The following CCDC33 variants were observed in gnomAD, a reference collection of about 807,000 sequenced individuals.
CCDC33 encodes coiled-coil domain containing 33, also known as coiled-coil domain-containing protein 33.
In CCDC33, 94 loss-of-function variants were observed where a neutral mutation model predicts 91.9. The observed-to-expected ratio is 1.02, with a 90% CI of 0.87 to 1.21. CCDC33 has a LOEUF of 1.21. Ranked by LOEUF, CCDC33 falls within the 50% of genes most tolerant of loss-of-function variation. The pLI is 0.00. For synonymous variants in CCDC33, 396 were observed against 374.5 expected (o/e 1.06, Z -0.66); for missense variants, 940 against 935.5 (o/e 1.00, Z -0.06).
intron 11 of CCDC33, among the ~76,000 whole-genome samples, chr15:74,310,574 G>A (rs1050031016): frequency 2.0e-5 from 3 of 151,574 alleles, no homozygotes; most frequent in South Asian, 2.1e-4. Flanking sequence ...TTTTGAGACC[G>A]ACTCTGAGGG....
At chr15:74,246,853 G>T (rs934537329) in intron 2 of CCDC33, among the ~76,000 whole-genome samples, 1 of 152,306 alleles carries the variant, frequency 6.6e-6, no homozygotes, top group East Asian at 1.9e-4. Context: ...TCAGTATTTT[G>T]AAAAGATATC....
In CCDC33 at chr15:74,271,622, G is replaced by A. The variant is rs192843964; in HGVS notation, c.547-81G>A. On this transcript the variant is annotated intron_variant, in intron 5 of 18. Coordinates refer to ENST00000398814, the MANE Select transcript of CCDC33 (RefSeq NM_025055.5). ...ATGAGCTCACGGATGGGGAAAAAGAGGGTAGGCAGTCTGGCTGGCTGTCTC... is the reference window on the plus strand; with the variant it reads ...ATGAGCTCACGGATGGGGAAAAAGAAGGTAGGCAGTCTGGCTGGCTGTCTC... 2.0e-4 allele frequency: 203 copies of A among 1,003,062 alleles called. 1 individual carries two copies. The African/African-American group carries it at 2.7e-3, about 13-fold the overall frequency. 62.1% of individuals were successfully genotyped at this position (1,003,062 alleles called of 1,614,324 possible).
chr15:74,233,664 A>G (rs907987649), upstream of CCDC33, among the ~76,000 whole-genome samples: 2 of 152,200 alleles, frequency 1.3e-5, no homozygotes, highest in Non-Finnish European at 2.9e-5. Flanking sequence ...TGCCAAGCCC[A>G]AGGTTGGTTA....
At chr15:74,266,434 G>A (rs1463679416) in intron 3 of CCDC33, among the ~76,000 whole-genome samples, 1 of 152,218 alleles carries the variant, frequency 6.6e-6, no homozygotes, top group African/African-American at 2.4e-5. Context: ...GACCATGGGA[G>A]AAAATTGCAT....
chr15:74,228,364 G>A (rs1201249285), intron 2 of CCDC33, among the ~76,000 whole-genome samples: 1 of 152,212 alleles, frequency 6.6e-6, no homozygotes, highest in Non-Finnish European at 1.5e-5. Flanking sequence ...CTCGCCAGCA[G>A]GACTGTTGAA....
chr15:74,266,876 TC>T, intron 4 of CCDC33, 89 bp downstream of exon 4: 1 of 910,596 alleles, frequency 1.1e-6, no homozygotes, highest in Non-Finnish European at 1.8e-6. Context: ...GCCCTGAGCA[TC>T]CCACACCCAC....
chr15:74,270,618 G>C (rs1008486136), intron 5 of CCDC33, among the ~76,000 whole-genome samples: 15 of 152,172 alleles, frequency 9.9e-5, no homozygotes, highest in African/African-American at 3.6e-4. Flanking sequence ...AGGAATGAGA[G>C]CCGAGTGGGA....
rs28460010 is a variant in CCDC33 at position 74,268,490 on chromosome 15, T to G, written c.546+32T>G. 0.16 allele frequency: 194,359 copies of G among 1,190,000 alleles called. 26,353 individuals are homozygous for G. The highest frequency in any genetic ancestry group is 0.4 in the South Asian group (30,522 of 76,564). The allele number at this position is 1,190,000 out of a possible 1,614,324, so 73.7% of individuals were successfully genotyped here. A position where few individuals can be genotyped will look rare whatever the true frequency, so the allele number is the denominator to read the frequency against. On this transcript the variant is annotated intron_variant, in intron 5 of 18. Transcript: ENST00000398814. ...GGGCTGGGGCCCTCTGGGGTGGTGG[T>G]GGGGGTGGGAAAGGGCCAAGCTTTG...
chr15:74,306,350 T>C (rs2059893685), intron 11 of CCDC33, among the ~76,000 whole-genome samples: 1 of 152,206 alleles, frequency 6.6e-6, no homozygotes, highest in South Asian at 2.1e-4. Flanking sequence ...GTGCACACTT[T>C]CTACAGAATG....
At chr15:74,297,529 C>CA (rs1404776837) in intron 11 of CCDC33, among the ~76,000 whole-genome samples, 3 of 151,940 alleles carry the variant, frequency 2.0e-5, no homozygotes, top group South Asian at 2.1e-4. Flanking sequence ...CCTATCTCTA[C>CA]AAAAAATTCA....
At chr15:74,217,705 C>A in intron 1 of CCDC33, 1 of 752,830 alleles carries the variant, frequency 1.3e-6, no homozygotes, top group Non-Finnish European at 1.8e-6. Context: ...CAGACTGCAT[C>A]CCAAAGCTCT....
chr15:74,311,060 C>T lies in CCDC33; in HGVS notation c.1290+15112C>T, dbSNP rs77060514. ...AGGACCGTGATCTGCCTGGACAGGG[C>T]GCACGGGGCCTGTAGCACAGGCCTG... On this transcript the variant is annotated intron_variant, in intron 11 of 18. Transcript: ENST00000398814. Among the ~76,000 whole-genome samples, 178 of 152,138 alleles carry T rather than the reference C, an allele frequency of 1.2e-3. No individual in the cohort carries two copies. In the Middle Eastern group the frequency reaches 0.017, roughly 15 times the overall value.
intron 11 of CCDC33, among the ~76,000 whole-genome samples, chr15:74,296,319 T>G (rs139147278): frequency 0.012 from 1,755 of 152,154 alleles, 41 homozygotes; most frequent in African/African-American, 0.04. Context: ...CAGGAGAAAC[T>G]GGGGCTCAAA....
chr15:74,224,274 C>A (rs74922218), intron 2 of CCDC33, among the ~76,000 whole-genome samples: 3,548 of 152,192 alleles, frequency 0.023, 130 homozygotes, highest in East Asian at 0.16. Context: ...TCGTGATCAC[C>A]CTGCAGGCAG....
chr15:74,221,356 C>A, intron 2 of CCDC33: 1 of 967,162 alleles, frequency 1.0e-6, no homozygotes, highest in Non-Finnish European at 1.2e-6. Context: ...GAAGACAAGG[C>A]TCAGTGTGAG....
chr15:74,268,592 A>C (rs2076234629), intron 5 of CCDC33, 134 bp downstream of exon 5: 1 of 644,202 alleles, frequency 1.6e-6, no homozygotes, highest in Non-Finnish European at 2.7e-6. Flanking sequence ...GAATGGAAAA[A>C]GCAACCAGGC....
intron 2 of CCDC33, among the ~76,000 whole-genome samples, chr15:74,221,825 T>TCTGGGTA (rs2074605528): frequency 1.3e-5 from 2 of 152,178 alleles, no homozygotes; most frequent in South Asian, 4.2e-4. Flanking sequence ...GTGCTTCCTT[T>TCTGGGTA]CTGGGTAGAG....
chr15:74,298,602 C>T (rs990798175), intron 11 of CCDC33, among the ~76,000 whole-genome samples: 2 of 151,870 alleles, frequency 1.3e-5, no homozygotes, highest in Non-Finnish European at 2.9e-5. Flanking sequence ...TGCAATGGTG[C>T]GATCTCAGCT....
intron 16 of CCDC33, chr15:74,333,206 C>A (rs765450961): frequency 7.7e-6 from 12 of 1,565,652 alleles, no homozygotes; most frequent in African/African-American, 1.4e-5. Context: ...CTTGGAGAGC[C>A]CTTTTCCATC....
Sources: gnomAD v4.1 joint callset for allele counts (sites outside exome capture counted in the v4.1 genomes callset) on GRCh38, gnomAD v4.1.1 for gene constraint, MANE v1.5 for transcripts, NCBI Gene and HGNC (gene_info 2026-07-23, HGNC 2026-07-21) for gene names.